VWA8: variants seen among roughly 807,000 people sequenced by gnomAD.
The protein encoded by VWA8 is von Willebrand factor A domain-containing protein 8.
Under a neutral mutation model 241.5 loss-of-function variants are expected in VWA8, and 221 were observed. The ratio of observed to expected loss-of-function variants is 0.91; its 90% confidence interval spans 0.82 to 1.02. The LOEUF (loss-of-function observed/expected upper bound fraction) is 1.02, where lower values mean the gene tolerates loss of function less well. VWA8 is among the 50% of genes least tolerant of loss of function. The probability of loss-of-function intolerance (pLI) is 0.00; values close to 1 mark genes in which losing one functional copy is unlikely to be tolerated. For synonymous variants in VWA8, 852 were observed against 827.1 expected (o/e 1.03, Z -0.52); for missense variants, 2,322 against 2,328.7 (o/e 1.00, Z 0.06).
At chr13:41,910,938 T>C (rs1401975526) in intron 3 of VWA8, among the ~76,000 whole-genome samples, 3 of 152,204 alleles carry the variant, frequency 2.0e-5, no homozygotes, top group African/African-American at 7.2e-5. Context: ...AAATAAGGTT[T>C]TTCTCTTCAT....
chr13:41,598,284 A>G (rs1401822481), intron 40 of VWA8, among the ~76,000 whole-genome samples: 2 of 152,080 alleles, frequency 1.3e-5, no homozygotes, highest in Non-Finnish European at 2.9e-5. Flanking sequence ...CAATTTAACT[A>G]ACCAAAAACC....
intron 12 of VWA8, among the ~76,000 whole-genome samples, chr13:41,857,148 AG>A (rs1009356672): frequency 6.6e-6 from 1 of 152,210 alleles, no homozygotes; most frequent in African/African-American, 2.4e-5. Flanking sequence ...ATAAAAATAA[AG>A]TATAAGTGCT....
chr13:41,871,017 T>C (rs1873577113), intron 9 of VWA8, among the ~76,000 whole-genome samples: 1 of 152,146 alleles, frequency 6.6e-6, no homozygotes. Flanking sequence ...TCCAACTCCA[T>C]CATTTAAGTT....
chr13:41,798,543 T>G (rs1869807689), intron 17 of VWA8, among the ~76,000 whole-genome samples: 1 of 152,212 alleles, frequency 6.6e-6, no homozygotes. Flanking sequence ...TCTTGTATCT[T>G]TTTCCGTTAT....
At chr13:41,872,185 C>T (rs1451792567) in intron 9 of VWA8, among the ~76,000 whole-genome samples, 2 of 152,030 alleles carry the variant, frequency 1.3e-5, no homozygotes, top group Non-Finnish European at 2.9e-5. Context: ...TGTTTGAGTT[C>T]TTTGTAGATT....
At chr13:41,659,475 G>A (rs2044933863) in intron 37 of VWA8, among the ~76,000 whole-genome samples, 2 of 152,066 alleles carry the variant, frequency 1.3e-5, no homozygotes, top group Admixed American at 1.3e-4. Context: ...GTAAGTATTG[G>A]CTATTACTAC....
At chr13:41,670,396 C>T (rs1358872784) in intron 37 of VWA8, among the ~76,000 whole-genome samples, 1 of 150,752 alleles carries the variant, frequency 6.6e-6, no homozygotes, top group Non-Finnish European at 1.5e-5. Flanking sequence ...GTGGCCTGTT[C>T]CCATATTTTT....
At chr13:41,678,397 T>C (rs1310051077) in intron 35 of VWA8, among the ~76,000 whole-genome samples, 2 of 152,200 alleles carry the variant, frequency 1.3e-5, no homozygotes, top group Non-Finnish European at 2.9e-5. Context: ...TGATATAAGG[T>C]CAATCTTGGA....
intron 17 of VWA8, among the ~76,000 whole-genome samples, chr13:41,788,553 C>G (rs2137944676): frequency 6.6e-6 from 1 of 152,272 alleles, no homozygotes; most frequent in South Asian, 2.1e-4. Flanking sequence ...GCTAGTAACT[C>G]CTCAGTTCAG....
intron 21 of VWA8, among the ~76,000 whole-genome samples, chr13:41,760,790 T>C (rs541278485): frequency 6.6e-6 from 1 of 152,126 alleles, no homozygotes; most frequent in East Asian, 1.9e-4. Context: ...CCTTGTGAGC[T>C]ATTTTAGCTG....
chr13:41,930,755 T>TC (rs1877068861), intron 2 of VWA8, among the ~76,000 whole-genome samples: 1 of 152,026 alleles, frequency 6.6e-6, no homozygotes, highest in African/African-American at 2.4e-5. Flanking sequence ...TTGGGTCCCA[T>TC]CCCCGCAATG....
intron 20 of VWA8, among the ~76,000 whole-genome samples, chr13:41,764,594 G>C (rs1467803809): frequency 1.3e-5 from 2 of 152,134 alleles, no homozygotes; most frequent in Non-Finnish European, 2.9e-5. Flanking sequence ...TTTAGATCGA[G>C]ATATCAAGGA....
chr13:41,615,641 G>T (rs907366003), intron 37 of VWA8, among the ~76,000 whole-genome samples: 1 of 151,990 alleles, frequency 6.6e-6, no homozygotes, highest in Non-Finnish European at 1.5e-5. Flanking sequence ...TTATTTTTTT[G>T]ACCCACTTCA....
chr13:41,716,171 A>T (rs2045346829), intron 26 of VWA8, among the ~76,000 whole-genome samples: 1 of 151,874 alleles, frequency 6.6e-6, no homozygotes, highest in South Asian at 2.1e-4. Context: ...TCCTGGTACT[A>T]AGGTCTGGGA....
At chr13:41,579,819 C>G (rs2044371277) in intron 42 of VWA8, among the ~76,000 whole-genome samples, 1 of 152,142 alleles carries the variant, frequency 6.6e-6, no homozygotes. Flanking sequence ...CCCAGGTTTT[C>G]TGACACTAAA....
chr13:41,703,743 TA>T (rs1184915715), intron 26 of VWA8, among the ~76,000 whole-genome samples: 1 of 151,986 alleles, frequency 6.6e-6, no homozygotes, highest in Non-Finnish European at 1.5e-5. Flanking sequence ...AACTTTTCTT[TA>T]AAATTGGAGC....
At chr13:41,734,614 C>T (rs2045511149) in intron 21 of VWA8, among the ~76,000 whole-genome samples, 1 of 152,146 alleles carries the variant, frequency 6.6e-6, no homozygotes, top group African/African-American at 2.4e-5. Context: ...ACTTGGAAAG[C>T]TTCTCCTTCT....
At chr13:41,914,335 C>G (rs1223062916) in intron 2 of VWA8, among the ~76,000 whole-genome samples, 1 of 152,112 alleles carries the variant, frequency 6.6e-6, no homozygotes, top group Non-Finnish European at 1.5e-5. Context: ...GCTCTAAGAA[C>G]CTATACTTTT....
intron 21 of VWA8, among the ~76,000 whole-genome samples, chr13:41,737,718 T>C (rs1342060169): frequency 6.6e-6 from 1 of 152,210 alleles, no homozygotes; most frequent in Non-Finnish European, 1.5e-5. Context: ...TCACAAGTAA[T>C]GCTAACTATT....
Sources: allele counts gnomAD v4.1 joint callset (sites outside exome capture counted in the v4.1 genomes callset), GRCh38; gene constraint gnomAD v4.1.1; transcripts MANE v1.5; gene names NCBI Gene and HGNC (gene_info 2026-07-23, HGNC 2026-07-21).